Variants in CCDC7 observed in about 807,000 individuals in gnomAD.
CCDC7 encodes the protein coiled-coil domain containing 7.
CCDC7 carries 183 observed loss-of-function variants against 196.9 expected under a neutral mutation model. The observed-to-expected ratio is 0.93, with a 90% CI of 0.82 to 1.05. The LOEUF (loss-of-function observed/expected upper bound fraction) is 1.05. Among genes scored for constraint, CCDC7 ranks in the 50% least tolerant of loss-of-function variants. The pLI, the probability that CCDC7 is intolerant of heterozygous loss-of-function variation, is 0.00. For synonymous variants in CCDC7, 525 were observed against 484.6 expected (o/e 1.08, Z -1.10); for missense variants, 1,540 against 1,482.2 (o/e 1.04, Z -0.64).
chr10:32,694,788 A>G, intron 23 of CCDC7, 91 bp from the exon 25 acceptor site: 5 of 663,866 alleles, frequency 7.5e-6, no homozygotes, highest in Non-Finnish European at 1.2e-5. Flanking sequence ...AAAATGAGAA[A>G]ATTTTGCTAC....
chr10:32,528,769 TAC>T (rs953807176), intron 11 of CCDC7, among the ~76,000 whole-genome samples: 2 of 149,220 alleles, frequency 1.3e-5, no homozygotes, highest in African/African-American at 4.9e-5. Flanking sequence ...TATTTACATA[TAC>T]ACACACATTA....
At chr10:32,846,272 A>T (rs2093288479) in intron 36 of CCDC7, 104 bp from the exon 38 acceptor site, 3 of 701,838 alleles carry the variant, frequency 4.3e-6, no homozygotes, top group Non-Finnish European at 4.8e-6. Flanking sequence ...ACATTGGTGA[A>T]ATTCTTCATG....
intron 9 of CCDC7, among the ~76,000 whole-genome samples, chr10:32,493,553 CAG>C (rs2042459462): frequency 6.6e-6 from 1 of 151,706 alleles, no homozygotes; most frequent in African/African-American, 2.4e-5. Flanking sequence ...GATGTATACT[CAG>C]AAATGGAATT....
intron 28 of CCDC7, among the ~76,000 whole-genome samples, chr10:32,737,480 T>C (rs2085053004): frequency 1.3e-5 from 2 of 152,310 alleles, no homozygotes; most frequent in South Asian, 4.1e-4. Flanking sequence ...CACAGAAGCT[T>C]GAGAAGAATG....
chr10:32,529,924 A>G (rs1007099645), intron 11 of CCDC7, among the ~76,000 whole-genome samples: 5 of 152,130 alleles, frequency 3.3e-5, no homozygotes, highest in African/African-American at 1.2e-4. Context: ...TAAGTCTTTG[A>G]TCCATCTTGA....
At chr10:32,677,370 AT>A (rs200340391) in intron 21 of CCDC7, among the ~76,000 whole-genome samples, 28,915 of 148,876 alleles carry the variant, frequency 0.19, 3,001 homozygotes, top group East Asian at 0.33. Context: ...TATAATAATA[AT>A]AAAAAAAAAG....
At chr10:32,456,764 A>G (rs1307264251) in intron 3 of CCDC7, among the ~76,000 whole-genome samples, 3 of 152,184 alleles carry the variant, frequency 2.0e-5, no homozygotes, top group Non-Finnish European at 4.4e-5. Flanking sequence ...AGCCTTATCA[A>G]TTAGCTATGA....
At chr10:32,636,530 C>T (rs2065671857) in intron 20 of CCDC7, among the ~76,000 whole-genome samples, 3 of 152,162 alleles carry the variant, frequency 2.0e-5, no homozygotes, top group Admixed American at 2.0e-4. Flanking sequence ...TTTCCAGCTT[C>T]ATCCATGTCC....
chr10:32,783,101 A>G (rs1228460337), intron 29 of CCDC7, among the ~76,000 whole-genome samples: 1 of 152,234 alleles, frequency 6.6e-6, no homozygotes, highest in Non-Finnish European at 1.5e-5. Context: ...CATTGAAGTT[A>G]GCAATTATTT....
At chr10:32,503,658 T>G (rs975724884) in intron 9 of CCDC7, among the ~76,000 whole-genome samples, 1 of 152,226 alleles carries the variant, frequency 6.6e-6, no homozygotes, top group African/African-American at 2.4e-5. Context: ...TTTAGAAGTA[T>G]TTCTTCCTCT....
At chr10:32,658,315 C>CA (rs889468837) in intron 20 of CCDC7, among the ~76,000 whole-genome samples, 3 of 152,190 alleles carry the variant, frequency 2.0e-5, no homozygotes, top group African/African-American at 7.2e-5. Context: ...TTAATTTACT[C>CA]ACAGTTCCAC....
intron 41 of CCDC7, among the ~76,000 whole-genome samples, chr10:32,867,844 C>T (rs1424343987): frequency 6.6e-6 from 1 of 151,784 alleles, no homozygotes; most frequent in Non-Finnish European, 1.5e-5. Flanking sequence ...CACTGCTATG[C>T]AACTATCACT....
intron 21 of CCDC7, among the ~76,000 whole-genome samples, chr10:32,684,762 T>C (rs1025827091): frequency 8.5e-5 from 13 of 152,234 alleles, no homozygotes; most frequent in African/African-American, 3.1e-4. Flanking sequence ...GCTTAGCACA[T>C]ACTTCTAGAA....
chr10:32,714,264 G>A (rs2081265577), intron 25 of CCDC7, among the ~76,000 whole-genome samples: 1 of 152,172 alleles, frequency 6.6e-6, no homozygotes, highest in African/African-American at 2.4e-5. Flanking sequence ...GCAGAAGCAG[G>A]GTGGGGCATT....
At chr10:32,601,554 G>A (rs534562668) in intron 18 of CCDC7, among the ~76,000 whole-genome samples, 1 of 152,250 alleles carries the variant, frequency 6.6e-6, no homozygotes, top group Non-Finnish European at 1.5e-5. Context: ...GAAGCCAGCT[G>A]GACTTCCTGG....
rs562135879 is a variant in CCDC7, at chr10:32,862,889, T to C, written c.4111+8400T>C. On this transcript the variant is annotated intron_variant, in intron 41 of 41. Coordinates refer to ENST00000639629, the Ensembl canonical transcript of CCDC7. ...AATGACCTAACTGAAAAAGAAACTTTAAAAGAAATAATTTCATTTATGATA... is the reference window on the plus strand; with the variant it reads ...AATGACCTAACTGAAAAAGAAACTTCAAAAGAAATAATTTCATTTATGATA... Among the ~76,000 whole-genome samples the C allele has an allele frequency of 3.3e-5, 5 of 152,204 alleles. No homozygotes were observed. In the South Asian group the frequency reaches 1.0e-3, roughly 32 times the overall value.
At chr10:32,578,532 A>G (rs905479171) in intron 16 of CCDC7, among the ~76,000 whole-genome samples, 1 of 151,494 alleles carries the variant, frequency 6.6e-6, no homozygotes, top group Non-Finnish European at 1.5e-5. Context: ...ATCATCAGAC[A>G]TTAGGTTCTC....
intron 8 of CCDC7, among the ~76,000 whole-genome samples, chr10:32,488,551 A>G (rs998091504): frequency 6.6e-6 from 1 of 152,142 alleles, no homozygotes; most frequent in East Asian, 1.9e-4. Context: ...TTGGAAATGC[A>G]GAAATCACCC....
intron 20 of CCDC7, among the ~76,000 whole-genome samples, chr10:32,642,686 C>T (rs2067052376): frequency 6.6e-6 from 1 of 152,320 alleles, no homozygotes; most frequent in African/African-American, 2.4e-5. Context: ...TCTGACACTC[C>T]GCAGTGTGAT....
Sources: gnomAD v4.1 joint callset for allele counts (sites outside exome capture counted in the v4.1 genomes callset) on GRCh38, gnomAD v4.1.1 for gene constraint, MANE v1.5 for transcripts, NCBI Gene and HGNC (gene_info 2026-07-23, HGNC 2026-07-21) for gene names.